The following TBX1 variants were observed in gnomAD, a reference collection of about 807,000 sequenced individuals.
TBX1 encodes T-box transcription factor 1.
In TBX1, 16 loss-of-function variants were observed where a neutral mutation model predicts 40.8. The ratio of observed to expected loss-of-function variants is 0.39; its 90% CI spans 0.27 to 0.60. The LOEUF (loss-of-function observed/expected upper bound fraction) is 0.60, where lower values mean the gene tolerates loss of function less well. Ranked by LOEUF, TBX1 falls within the 20% of genes least tolerant of loss-of-function variation. The pLI, the probability that TBX1 is intolerant of heterozygous loss-of-function variation, is 0.51. For synonymous variants in TBX1, 403 were observed against 336.8 expected (o/e 1.20, Z -2.15); for missense variants, 755 against 728.5 (o/e 1.04, Z -0.42).
Position 19,765,937 on chromosome 22 carries a change from T to A in TBX1, c.971T>A (p.Met324Lys). Residue 324 changes from methionine to lysine, a missense_variant, in exon 6 of 7, where the codon ATG (methionine) becomes AAG (lysine). By Grantham distance (95) the Met-to-Lys change is moderately conservative (BLOSUM62 -1). Transcript: ENST00000649276. ...RNHRPGALPL[M>K]SAFARSRNPV... ...CACCGGCCCGGCGCACTGCCGCTCATGAGCGCCTTCGCGCGCTCGCGGAAC... is the reference window on the plus strand; with the variant it reads ...CACCGGCCCGGCGCACTGCCGCTCAAGAGCGCCTTCGCGCGCTCGCGGAAC... 18 of 1,527,530 alleles carry A rather than the reference T, an allele frequency of 1.2e-5. No individual in the cohort carries two copies. Among genetic ancestry groups the A allele is most frequent in the Non-Finnish European group, 1.6e-5 (18 of 1,139,506 alleles). 94.6% of individuals were successfully genotyped at this position (1,527,530 alleles called of 1,614,324 possible). A position where few individuals can be genotyped will look rare whatever the true frequency, so the allele number is the denominator to read the frequency against.
chr22:19,777,458 C>T (rs1217607170), intron 8 of TBX1, among the ~76,000 whole-genome samples: 4 of 152,118 alleles, frequency 2.6e-5, no homozygotes, highest in African/African-American at 7.2e-5. Flanking sequence ...TCCAGTCTAT[C>T]GTTGTTGGAC....
At chr22:19,777,082 T>C (rs1168691847) in intron 8 of TBX1, among the ~76,000 whole-genome samples, 1 of 119,150 alleles carries the variant, frequency 8.4e-6, no homozygotes, top group African/African-American at 3.0e-5. Context: ...ATTATTATTA[T>C]ACTGTTTTAG....
chr22:19,767,794 G>C (rs572551843), downstream of TBX1, among the ~76,000 whole-genome samples: 7 of 152,370 alleles, frequency 4.6e-5, no homozygotes, highest in African/African-American at 1.4e-4. Context: ...GTGCTGGGAG[G>C]GGGAGAAGCC....
downstream of TBX1, among the ~76,000 whole-genome samples, chr22:19,782,262 A>G (rs1280998612): frequency 6.6e-6 from 1 of 152,178 alleles, no homozygotes; most frequent in Non-Finnish European, 1.5e-5. Flanking sequence ...ATATCTTAAC[A>G]ATGTTAAGTT....
intron 8 of TBX1, among the ~76,000 whole-genome samples, chr22:19,777,846 A>G (rs912119357): frequency 3.4e-5 from 5 of 145,420 alleles, no homozygotes; most frequent in African/African-American, 5.1e-5. Flanking sequence ...GGCAGCCTTG[A>G]CCTCCTAGGC....
downstream of TBX1, among the ~76,000 whole-genome samples, chr22:19,771,412 CTCTT>C (rs1199674260): frequency 2.6e-5 from 4 of 152,242 alleles, no homozygotes; most frequent in African/African-American, 9.6e-5. Flanking sequence ...CTCAGTGTCT[CTCTT>C]TAACCGCTGC....
downstream of TBX1, among the ~76,000 whole-genome samples, chr22:19,769,134 T>G (rs1936945999): frequency 6.6e-6 from 1 of 152,042 alleles, no homozygotes; most frequent in East Asian, 1.9e-4. Context: ...CTAATTTTTG[T>G]ATTTTTAGTA....
intron 1 of TBX1, 111 bp from the exon 2 acceptor site, chr22:19,763,130 A>T: frequency 1.2e-6 from 1 of 824,426 alleles, no homozygotes; most frequent in Non-Finnish European, 2.1e-6. Context: ...ACGACACAGC[A>T]GCCCCCAGAG....
downstream of TBX1, among the ~76,000 whole-genome samples, chr22:19,780,700 C>A (rs1267063735): frequency 1.3e-5 from 2 of 151,786 alleles, no homozygotes; most frequent in Non-Finnish European, 2.9e-5. Context: ...ACACTGTTTT[C>A]CATAGCTGCT....
exon 9 of TBX1, chr22:19,779,343 A>G (rs1391917890): frequency 5.6e-6 from 9 of 1,614,192 alleles, no homozygotes; most frequent in Middle Eastern, 1.6e-4. Flanking sequence ...TGCCCCGCAG[A>G]GTGCCAACCC....
At chr22:19,763,884 A>G (rs1312846732) in intron 2 of TBX1, among the ~76,000 whole-genome samples, 1 of 152,154 alleles carries the variant, frequency 6.6e-6, no homozygotes, top group Non-Finnish European at 1.5e-5. Context: ...ACCCGCATCC[A>G]GCGAAATGAG....
chr22:19,771,505 A>C (rs1936989650), downstream of TBX1, among the ~76,000 whole-genome samples: 1 of 152,226 alleles, frequency 6.6e-6, no homozygotes, highest in Non-Finnish European at 1.5e-5. Flanking sequence ...CTTAGCTTTT[A>C]ATAGCAGTAA....
upstream of TBX1, among the ~76,000 whole-genome samples, chr22:19,758,262 G>A (rs1256679644): frequency 6.6e-6 from 1 of 152,210 alleles, no homozygotes; most frequent in African/African-American, 2.4e-5. Flanking sequence ...GTTGTATACA[G>A]AGAGGCCTTG....
At chr22:19,759,204 G>A (rs1936558821), upstream of TBX1, among the ~76,000 whole-genome samples, 1 of 152,236 alleles carries the variant, frequency 6.6e-6, no homozygotes, top group African/African-American at 2.4e-5. Flanking sequence ...GCAACGGGAT[G>A]TTCAAGGGGC....
intron 3 of TBX1, among the ~76,000 whole-genome samples, chr22:19,764,715 G>T (rs1936776843): frequency 6.6e-6 from 1 of 152,218 alleles, no homozygotes; most frequent in Non-Finnish European, 1.5e-5. Context: ...CGCTGGGCAG[G>T]CACCTAAGGA....
In TBX1 at chr22:19,761,040, C is replaced by T. The variant is rs1383914204; in HGVS notation, c.197C>T (p.Ala66Val). Reference sequence around the variant, plus strand: ...CGCTACGACCCGTGCGCCGCCGCCGCCCCCGGCGCCCCGGGCCCGCCGCCG... The same window carrying T: ...CGCTACGACCCGTGCGCCGCCGCCGTCCCCGGCGCCCCGGGCCCGCCGCCG... ...PPRYDPCAAA[A>V]PGAPGPPPPP... The change falls in exon 1 of 7, where the codon GCC (alanine) becomes GTC (valine). Residue 66 changes from alanine (A) to valine (V), a missense_variant. By Grantham distance (64) the Ala-to-Val change is moderately conservative. Transcript: ENST00000649276. 12 of 878,382 alleles carry T rather than the reference C, an allele frequency of 1.4e-5. No homozygotes were observed. Among genetic ancestry groups the T allele is most frequent in the East Asian group, 1.2e-4 (1 of 8,020 alleles). 54.4% of individuals were successfully genotyped at this position (878,382 alleles called of 1,614,324 possible).
chr22:19,756,933 C>A (rs1406990279), upstream of TBX1, among the ~76,000 whole-genome samples: 7 of 145,464 alleles, frequency 4.8e-5, no homozygotes, highest in Admixed American at 2.0e-4. Context: ...GGCGGCGGAG[C>A]GCGGCGGGGC....
chr22:19,780,823 C>T (rs1240311844), downstream of TBX1, among the ~76,000 whole-genome samples: 3 of 143,402 alleles, frequency 2.1e-5, no homozygotes, highest in African/African-American at 8.0e-5. Context: ...CGCTCCGTCG[C>T]CCAGGCTGGA....
chr22:19,777,740 G>C (rs1012514456), intron 8 of TBX1, among the ~76,000 whole-genome samples: 2 of 151,562 alleles, frequency 1.3e-5, no homozygotes, highest in Non-Finnish European at 2.9e-5. Flanking sequence ...ACAGGTTCAG[G>C]GTGTGTTGTT....
Sources: allele counts gnomAD v4.1 joint callset (sites outside exome capture counted in the v4.1 genomes callset), GRCh38; gene constraint gnomAD v4.1.1; transcripts MANE v1.5; gene names NCBI Gene and HGNC (gene_info 2026-07-23, HGNC 2026-07-21).